The following TICAM2 variants were observed in gnomAD, a reference collection of about 807,000 sequenced individuals.
The protein encoded by TICAM2 is TIR domain containing adaptor molecule 2.
Under a neutral mutation model 7.3 loss-of-function variants are expected in TICAM2, and 8 were observed. The observed-to-expected ratio is 1.10, with a 90% CI of 0.65 to 1.99. TICAM2 has a LOEUF of 1.99. TICAM2 is among the 30% of genes most tolerant of loss of function. The pLI is 0.00. For synonymous variants in TICAM2, 113 were observed against 99.6 expected (o/e 1.13, Z -0.80); for missense variants, 304 against 278.8 (o/e 1.09, Z -0.65).
At chr5:115,593,524 G>A (rs1561577484) in intron 1 of TICAM2, among the ~76,000 whole-genome samples, 1 of 152,046 alleles carries the variant, frequency 6.6e-6, no homozygotes, top group East Asian at 1.9e-4. Context: ...TAAAAGGAAA[G>A]TACTAAATAA....
Position 115,580,943 on chromosome 5 carries a change from C to T in TICAM2, c.314G>A (p.Gly105Asp), listed in dbSNP as rs144913417. The change falls in exon 2 of 2, where the codon GGT (glycine) becomes GAT (aspartate). Residue 105 changes from glycine (G) to aspartate (D), a missense_variant. Gly to Asp is a moderately conservative substitution (Grantham distance 94). Transcript: ENST00000427199. Reference protein sequence around the residue: ...RVQNLLQDDFGIKPGIIFAEM... With the variant: ...RVQNLLQDDFDIKPGIIFAEM... Reference sequence around the variant, plus strand: ...AGCAAAGATTATTCCGGGTTTGATACCAAAGTCATCTTGTAGCAGATTCTG... The same window carrying T: ...AGCAAAGATTATTCCGGGTTTGATATCAAAGTCATCTTGTAGCAGATTCTG... The T allele has an allele frequency of 1.9e-5, 31 of 1,613,428 alleles. No homozygotes were observed. In the African/African-American group the frequency reaches 3.6e-4, roughly 19 times the overall value.
intron 1 of TICAM2, among the ~76,000 whole-genome samples, chr5:115,587,944 G>C (rs996261119): frequency 7.9e-5 from 12 of 152,144 alleles, no homozygotes; most frequent in Non-Finnish European, 1.5e-5. Context: ...GCCCATAACG[G>C]AACAGGAGTG....
At chr5:115,597,630 A>G (rs1303853757) in intron 1 of TICAM2, among the ~76,000 whole-genome samples, 1 of 152,238 alleles carries the variant, frequency 6.6e-6, no homozygotes, top group Non-Finnish European at 1.5e-5. Context: ...GCTTTGTTAA[A>G]CAAAATGCAG....
intron 1 of TICAM2, among the ~76,000 whole-genome samples, chr5:115,601,804 T>G (rs1465580724): frequency 6.6e-6 from 1 of 152,196 alleles, no homozygotes; most frequent in Non-Finnish European, 1.5e-5. Flanking sequence ...TTTAAGACTC[T>G]GGGCTATTTG....
chr5:115,583,446 A>G (rs1199064589), intron 1 of TICAM2, among the ~76,000 whole-genome samples: 1 of 152,250 alleles, frequency 6.6e-6, no homozygotes, highest in Non-Finnish European at 1.5e-5. Context: ...TTTCTTAAAT[A>G]CCAGTTAGCA....
intron 1 of TICAM2, among the ~76,000 whole-genome samples, chr5:115,597,866 ACATATGAGGGGACCCACATAAT>A (rs1242861616): frequency 1.3e-5 from 2 of 152,196 alleles, no homozygotes; most frequent in East Asian, 3.8e-4. Flanking sequence ...GAGAAAATCC[ACATATGAGGGGACCCACATAAT>A]ACAAACCCAT....
intron 1 of TICAM2, among the ~76,000 whole-genome samples, chr5:115,600,380 C>G (rs906489940): frequency 1.5e-4 from 23 of 152,136 alleles, no homozygotes; most frequent in African/African-American, 5.3e-4. Context: ...AAGTCATCAG[C>G]TGATAGATAT....
chr5:115,595,907 C>A (rs189393011), intron 1 of TICAM2, among the ~76,000 whole-genome samples: 9 of 152,308 alleles, frequency 5.9e-5, no homozygotes, highest in African/African-American at 2.2e-4. Flanking sequence ...AAGTACTCAT[C>A]CTCTGTATAT....
In TICAM2 at chr5:115,579,387, C is replaced by T. The variant is rs564347876; in HGVS notation, c.*1162G>A. On this transcript the variant is annotated 3_prime_UTR_variant, in exon 2 of 2. Transcript: ENST00000427199. Reference sequence around the variant, plus strand: ...TAGTTTGCCCACAGTTACATTCATCCTCAGTGGCAGAAATTGGACTAGAAC... The same window carrying T: ...TAGTTTGCCCACAGTTACATTCATCTTCAGTGGCAGAAATTGGACTAGAAC... 3.3e-5 allele frequency: 5 copies of T among 152,382 alleles called. No individual in the cohort carries two copies. In the South Asian group the frequency reaches 1.0e-3, roughly 32 times the overall value. The allele number at this position is 152,382 out of a possible 1,614,324, so 9.4% of individuals were successfully genotyped here.
chr5:115,586,442 A>G (rs1755109419), intron 1 of TICAM2, among the ~76,000 whole-genome samples: 1 of 151,650 alleles, frequency 6.6e-6, no homozygotes, highest in South Asian at 2.1e-4. Flanking sequence ...AAAACAGAAC[A>G]GAAAGAACTA....
chr5:115,594,993 G>C (rs1297864523), intron 1 of TICAM2, among the ~76,000 whole-genome samples: 1 of 152,116 alleles, frequency 6.6e-6, no homozygotes, highest in Non-Finnish European at 1.5e-5. Flanking sequence ...CTCTAGGTTT[G>C]TAGCACCCCT....
chr5:115,590,822 T>C (rs1377940631), intron 1 of TICAM2, among the ~76,000 whole-genome samples: 3 of 152,250 alleles, frequency 2.0e-5, no homozygotes, highest in Non-Finnish European at 4.4e-5. Context: ...TGAAAAGTTA[T>C]TTAACTCTCT....
intron 1 of TICAM2, among the ~76,000 whole-genome samples, chr5:115,598,381 C>T (rs256969): frequency 0.63 from 95,630 of 152,050 alleles, 31,250 homozygotes; most frequent in African/African-American, 0.83. Context: ...CTAAACCAAA[C>T]AGGGCTTCTC....
At chr5:115,586,996 G>T (rs1755129178) in intron 1 of TICAM2, among the ~76,000 whole-genome samples, 1 of 152,158 alleles carries the variant, frequency 6.6e-6, no homozygotes, top group African/African-American at 2.4e-5. Flanking sequence ...CATTTTCTAG[G>T]CAGTGGAAGC....
In TICAM2 at chr5:115,580,428, T is replaced by C. The variant is rs1385331007; in HGVS notation, c.*121A>G. On this transcript the variant is annotated 3_prime_UTR_variant, in exon 2 of 2. Coordinates refer to ENST00000427199, the MANE Select transcript of TICAM2 (RefSeq NM_021649.7). ...AGAAATTTATCTTTCTTGTGCTCCA[T>C]AGGTTTCTTTAAGGTGAAGACTCTC... The C allele has an allele frequency of 1.6e-6, 2 of 1,249,790 alleles. No individual in the cohort carries two copies. The highest frequency in any genetic ancestry group is 2.9e-5 in the East Asian group (1 of 33,900). 77.4% of individuals were successfully genotyped at this position (1,249,790 alleles called of 1,614,324 possible). A position where few individuals can be genotyped will look rare whatever the true frequency, so the allele number is the denominator to read the frequency against.
chr5:115,600,720 G>A (rs138141991), intron 1 of TICAM2, among the ~76,000 whole-genome samples: 109 of 152,264 alleles, frequency 7.2e-4, no homozygotes, highest in Non-Finnish European at 1.3e-3. Flanking sequence ...CCATGCAGGG[G>A]GTAATGGGGA....
intron 1 of TICAM2, among the ~76,000 whole-genome samples, chr5:115,586,995 G>A (rs62371195): frequency 1.2e-4 from 18 of 152,286 alleles, no homozygotes; most frequent in African/African-American, 4.1e-4. Context: ...ACATTTTCTA[G>A]GCAGTGGAAG....
intron 1 of TICAM2, chr5:115,581,786 A>T: frequency 6.4e-6 from 1 of 156,948 alleles, no homozygotes; most frequent in Non-Finnish European, 1.4e-5. Flanking sequence ...GAACACAAAT[A>T]TCCTAACAAT....
intron 1 of TICAM2, among the ~76,000 whole-genome samples, chr5:115,589,294 T>G (rs1467903180): frequency 6.6e-6 from 1 of 152,208 alleles, no homozygotes; most frequent in African/African-American, 2.4e-5. Context: ...TCTGCCGAGC[T>G]GTCAGGACAC....
Sources: gnomAD v4.1 joint callset for allele counts (sites outside exome capture counted in the v4.1 genomes callset) on GRCh38, gnomAD v4.1.1 for gene constraint, MANE v1.5 for transcripts, NCBI Gene and HGNC (gene_info 2026-07-23, HGNC 2026-07-21) for gene names.